Variants in PRKN observed in about 807,000 individuals in gnomAD.
PRKN encodes parkin RBR E3 ubiquitin protein ligase, also known as E3 ubiquitin-protein ligase parkin.
PRKN carries 56 observed loss-of-function variants against 59.5 expected under a neutral mutation model. That is an observed-to-expected ratio of 0.94 (90% confidence interval 0.76 to 1.18). PRKN has a LOEUF of 1.18. Ranked by LOEUF, PRKN falls within the 50% of genes most tolerant of loss-of-function variation. The pLI, the probability that PRKN is intolerant of heterozygous loss-of-function variation, is 0.00. For missense variants in PRKN, 657 were observed against 596.4 expected (o/e 1.10, Z -1.06); for synonymous variants, 250 against 222.1 (o/e 1.13, Z -1.12).
intron 3 of PRKN, among the ~76,000 whole-genome samples, chr6:162,249,852 G>A (rs578244869): frequency 3.1e-4 from 47 of 152,014 alleles, no homozygotes; most frequent in South Asian, 1.2e-3. Flanking sequence ...AAAACAAAAC[G>A]AAACCTTTGT....
At chr6:161,898,892 G>A (rs1777769928) in intron 6 of PRKN, among the ~76,000 whole-genome samples, 1 of 152,184 alleles carries the variant, frequency 6.6e-6, no homozygotes, top group Admixed American at 6.5e-5. Context: ...GAAAAGTGAT[G>A]GGGAATAATG....
At chr6:162,012,620 C>T (rs1439588521) in intron 5 of PRKN, among the ~76,000 whole-genome samples, 1 of 152,044 alleles carries the variant, frequency 6.6e-6, no homozygotes, top group Non-Finnish European at 1.5e-5. Context: ...AATGCTGTTA[C>T]CTTATTGAGC....
chr6:162,156,177 A>G (rs1025001438), intron 4 of PRKN, among the ~76,000 whole-genome samples: 3 of 152,234 alleles, frequency 2.0e-5, no homozygotes, highest in African/African-American at 7.2e-5. Context: ...TTGGATACCA[A>G]TGACAGTCAA....
chr6:162,084,371 G>A (rs1013642745), intron 4 of PRKN, among the ~76,000 whole-genome samples: 4 of 152,140 alleles, frequency 2.6e-5, no homozygotes, highest in South Asian at 2.1e-4. Context: ...CATGAAGCCC[G>A]TGAAGACGCT....
intron 1 of PRKN, among the ~76,000 whole-genome samples, chr6:162,674,137 T>C (rs918357142): frequency 2.6e-5 from 4 of 152,340 alleles, no homozygotes; most frequent in South Asian, 2.1e-4. Flanking sequence ...TTTGACTGTA[T>C]GCAAAAGATA....
intron 5 of PRKN, among the ~76,000 whole-genome samples, chr6:161,998,061 A>G (rs1046220014): frequency 4.6e-5 from 7 of 152,280 alleles, no homozygotes; most frequent in African/African-American, 1.4e-4. Flanking sequence ...ATATTAAAAA[A>G]CATAAAACAT....
chr6:162,058,890 T>C (rs139864358), intron 4 of PRKN, among the ~76,000 whole-genome samples: 1,906 of 145,954 alleles, frequency 0.013, 38 homozygotes, highest in African/African-American at 0.045. Flanking sequence ...AGGCAGAGAT[T>C]GCAGTGGGCC....
chr6:162,329,249 T>G (rs185259866), intron 2 of PRKN, among the ~76,000 whole-genome samples: 33 of 151,808 alleles, frequency 2.2e-4, no homozygotes, highest in African/African-American at 6.0e-4. Flanking sequence ...GAAGAGCGGG[T>G]GCAGCACGGG....
intron 2 of PRKN, among the ~76,000 whole-genome samples, chr6:162,327,014 T>A (rs1230672109): frequency 6.6e-6 from 1 of 152,194 alleles, no homozygotes; most frequent in Non-Finnish European, 1.5e-5. Context: ...ATACTATTTA[T>A]CTGCTATGAA....
At chr6:162,585,849 G>C (rs756480038) in intron 1 of PRKN, among the ~76,000 whole-genome samples, 6 of 151,486 alleles carry the variant, frequency 4.0e-5, no homozygotes, top group Non-Finnish European at 8.8e-5. Context: ...TTACAGGCGC[G>C]TGCCACCATG....
chr6:161,746,084 C>A (rs1052259915), intron 7 of PRKN, among the ~76,000 whole-genome samples: 1 of 152,190 alleles, frequency 6.6e-6, no homozygotes, highest in African/African-American at 2.4e-5. Context: ...TTTGTGGGTA[C>A]AGCACAAGTC....
At chr6:162,401,394 C>T (rs921870172) in intron 2 of PRKN, among the ~76,000 whole-genome samples, 3 of 151,874 alleles carry the variant, frequency 2.0e-5, no homozygotes, top group Non-Finnish European at 4.4e-5. Context: ...TCTGAAAATG[C>T]ATTTAATACA....
rs1787349199 is a variant in PRKN, at chr6:161,407,858, AT to A, written c.1084-20982del. 6.6e-6 allele frequency among the ~76,000 whole-genome samples: 1 copy of A among 152,082 alleles called. No individual in the cohort carries two copies. Among genetic ancestry groups the A allele is most frequent in the South Asian group, 2.1e-4 (1 of 4,820 alleles). On this transcript the variant is annotated intron_variant, in intron 9 of 11. Transcript: ENST00000366898. This position sits in a 1 kb window ranked among gnomAD's most constrained non-coding sequence, Gnocchi z 4.9. Reference sequence around the variant, plus strand: ...CTTCTTTCGGACAATGAGTCTTATGATCTCCCCACCATGCACCTTGTAATCC... The same window carrying A: ...CTTCTTTCGGACAATGAGTCTTATGACTCCCCACCATGCACCTTGTAATCC...
chr6:162,608,360 G>T (rs559823054), intron 1 of PRKN, among the ~76,000 whole-genome samples: 1 of 152,306 alleles, frequency 6.6e-6, no homozygotes, highest in African/African-American at 2.4e-5. Flanking sequence ...GGACGTTAAT[G>T]TAGGACCCTG....
At chr6:162,229,252 C>T (rs912886502) in intron 3 of PRKN, among the ~76,000 whole-genome samples, 4 of 152,076 alleles carry the variant, frequency 2.6e-5, no homozygotes, top group African/African-American at 9.7e-5. Context: ...AACAAAAACA[C>T]CCCCAGTCAC....
chr6:161,770,336 A>C (rs1236874327), intron 7 of PRKN, among the ~76,000 whole-genome samples: 1 of 152,136 alleles, frequency 6.6e-6, no homozygotes, highest in African/African-American at 2.4e-5. Flanking sequence ...GAGTATTTAA[A>C]AACTATTTCA....
intron 1 of PRKN, among the ~76,000 whole-genome samples, chr6:162,472,919 C>T (rs1295697336): frequency 6.6e-6 from 1 of 151,470 alleles, no homozygotes; most frequent in Non-Finnish European, 1.5e-5. Context: ...GCCAGCTACT[C>T]CAGAAACCTA....
rs187996024 is a variant in PRKN at position 162,187,095 on chromosome 6, G to A, written c.534+14036C>T. Among the ~76,000 whole-genome samples the A allele has an allele frequency of 3.9e-5, 6 of 152,222 alleles. No individual in the cohort carries two copies. In the East Asian group the frequency reaches 1.2e-3, roughly 29 times the overall value. On this transcript the variant is annotated intron_variant, in intron 4 of 11. Coordinates refer to ENST00000366898, the MANE Select transcript of PRKN (RefSeq NM_004562.3). ...GTTAAAACAAAATATGTATGAGAAT[G>A]CCCAATGGAAAATGAAAAAGAGCTG...
intron 2 of PRKN, among the ~76,000 whole-genome samples, chr6:162,292,419 C>T (rs1348834461): frequency 6.6e-6 from 1 of 152,090 alleles, no homozygotes; most frequent in African/African-American, 2.4e-5. Context: ...TAGCTTTCTA[C>T]CTTAAAGGCT....
Sources: allele counts gnomAD v4.1 joint callset (sites outside exome capture counted in the v4.1 genomes callset), GRCh38; gene constraint gnomAD v4.1.1; non-coding constraint Gnocchi (gnomAD v3.1); transcripts MANE v1.5; gene names NCBI Gene and HGNC (gene_info 2026-07-23, HGNC 2026-07-21).